The following AMMECR1 variants were observed in gnomAD, a reference collection of about 807,000 sequenced individuals.
AMMECR1 encodes AMMECR nuclear protein 1, also known as nuclear protein AMMECR1.
Under a neutral mutation model 22.5 loss-of-function variants are expected in AMMECR1, and 3 were observed. That is an observed-to-expected ratio of 0.13 (90% CI 0.06 to 0.35). The LOEUF is 0.35. AMMECR1 is among the 10% of genes least tolerant of loss of function. AMMECR1 has a pLI of 1.00. For synonymous variants in AMMECR1, 130 were observed against 116.7 expected, an observed-to-expected ratio of 1.11 and a Z score of -0.74; for missense variants, 235 against 278.7, an observed-to-expected ratio of 0.84 and a Z score of 1.12.
chrX:110,380,400 G>A, intron 2 of AMMECR1, among the ~76,000 whole-genome samples: 1 of 111,422 alleles, frequency 9.0e-6, no homozygotes, highest in Non-Finnish European at 1.9e-5. Flanking sequence ...AGAGGTGAAA[G>A]ATCTCTACAG....
intron 2 of AMMECR1, among the ~76,000 whole-genome samples, chrX:110,370,649 A>G (rs1318641438): frequency 8.9e-6 from 1 of 112,424 alleles, no homozygotes; most frequent in Admixed American, 9.4e-5. Context: ...GGCTTTCCCT[A>G]CATGCTGTAA....
chrX:110,250,500 TTA>T (rs1310249579), intron 2 of AMMECR1, among the ~76,000 whole-genome samples: 1 of 112,291 alleles, frequency 8.9e-6, no homozygotes, highest in Non-Finnish European at 1.9e-5. Flanking sequence ...TAAAGCTGTG[TTA>T]TCTTACTACT....
chrX:110,211,126 C>A (rs1214971218), intron 3 of AMMECR1, among the ~76,000 whole-genome samples: 6 of 112,264 alleles, frequency 5.3e-5, no homozygotes, highest in Non-Finnish European at 1.1e-4. Context: ...GAAATCTGAT[C>A]TAAGGAGTTA....
chrX:110,438,572 C>A (rs1184589202), intron 1 of AMMECR1, among the ~76,000 whole-genome samples: 1 of 111,587 alleles, frequency 9.0e-6, no homozygotes, highest in African/African-American at 3.3e-5. Context: ...AAGGACCAAG[C>A]AAACAGGCGG....
At chrX:110,392,471 C>G (rs1286712819) in intron 2 of AMMECR1, among the ~76,000 whole-genome samples, 4 of 110,763 alleles carry the variant, frequency 3.6e-5, no homozygotes, top group Non-Finnish European at 7.6e-5. Context: ...TTTGTAGAGA[C>G]AAGGCCTTGC....
At chrX:110,408,252 G>T (rs1218493000) in intron 2 of AMMECR1, among the ~76,000 whole-genome samples, 1 of 112,168 alleles carries the variant, frequency 8.9e-6, no homozygotes, top group East Asian at 2.8e-4. Context: ...AAGGAGTTGG[G>T]AGCCTGGGAA....
rs762273200 is a variant in AMMECR1, at chrX:110,328,400, T to G, written c.-147-10551A>C. On this transcript the variant is annotated intron_variant, in intron 2 of 7. Coordinates refer to the AMMECR1 transcript ENST00000372057. The stretch of plus-strand genomic sequence containing the variant: ...CAAGTAGACCCAAAGATATAATGGC[T>G]TAGTAAAACAAACGTCTATTTCCTT... Among the ~76,000 whole-genome samples, 93 of 110,329 alleles carry G rather than the reference T, an allele frequency of 8.4e-4. 1 individual carries two copies. Among genetic ancestry groups the G allele is most frequent in the African/African-American group, 3.0e-3 (92 of 30,352 alleles).
chrX:110,354,774 T>C (rs2068224067), intron 2 of AMMECR1, among the ~76,000 whole-genome samples: 1 of 112,036 alleles, frequency 8.9e-6, no homozygotes, highest in Non-Finnish European at 1.9e-5. Flanking sequence ...CAATAAATGG[T>C]GTTGGGAAAA....
intron 2 of AMMECR1, among the ~76,000 whole-genome samples, chrX:110,218,071 C>T (rs2067482915): frequency 9.0e-6 from 1 of 111,236 alleles, no homozygotes; most frequent in Non-Finnish European, 1.9e-5. Context: ...AATTTAATTA[C>T]GTAAATTTCC....
At chrX:110,427,833 A>C (rs747379839) in intron 1 of AMMECR1, among the ~76,000 whole-genome samples, 100 of 112,041 alleles carry the variant, frequency 8.9e-4, no homozygotes, top group African/African-American at 3.0e-3. Context: ...TTAGAGCCAC[A>C]CATGGTCTCT....
chrX:110,197,669 GCT>G lies in AMMECR1; in HGVS notation c.*849_*850del, dbSNP rs2067377360. 1 of 111,553 alleles carries G rather than the reference GCT, an allele frequency of 9.0e-6. No homozygotes were observed. The highest frequency in any genetic ancestry group is 1.9e-5 in the Non-Finnish European group (1 of 53,026). The allele number at this position is 111,553 out of a possible 1,213,427, so 9.2% of individuals were successfully genotyped here. A position where few individuals can be genotyped will look rare whatever the true frequency, so the allele number is the denominator to read the frequency against. On this transcript the variant is annotated 3_prime_UTR_variant, in exon 6 of 6. Coordinates refer to ENST00000262844, the MANE Select transcript of AMMECR1 (RefSeq NM_015365.3). The stretch of plus-strand genomic sequence containing the variant: ...CTCAAAGGCACTAAATTCTGTATCT[GCT>G]CTCTTCCTAATATTTGCTGCTCATA...
chrX:110,218,552 C>T (rs1260098558), intron 2 of AMMECR1, among the ~76,000 whole-genome samples: 1 of 99,397 alleles, frequency 1.0e-5, no homozygotes. Context: ...CGCCCCTAGT[C>T]CTGGCATAAA....
chrX:110,210,897 G>A (rs1190237575), intron 3 of AMMECR1, among the ~76,000 whole-genome samples: 1 of 111,499 alleles, frequency 9.0e-6, no homozygotes, highest in African/African-American at 3.3e-5. Context: ...ATAGTCCAGG[G>A]ACAGATTTTT....
At chrX:110,358,245 T>C (rs1049173207) in intron 2 of AMMECR1, among the ~76,000 whole-genome samples, 10 of 110,868 alleles carry the variant, frequency 9.0e-5, no homozygotes, top group African/African-American at 3.0e-4. Flanking sequence ...AAATGCAGAG[T>C]GTTGTCAACT....
At chrX:110,339,128 G>A (rs542212751) in intron 2 of AMMECR1, among the ~76,000 whole-genome samples, 2 of 111,297 alleles carry the variant, frequency 1.8e-5, no homozygotes, top group East Asian at 2.8e-4. Context: ...CTCTATTTTC[G>A]TGACAAGCGC....
chrX:110,291,085 G>A (rs769978231), intron 1 of AMMECR1, among the ~76,000 whole-genome samples: 3 of 111,618 alleles, frequency 2.7e-5, no homozygotes, highest in Non-Finnish European at 5.6e-5. Context: ...CACTCAGCAC[G>A]TTTATAAAAA....
intron 2 of AMMECR1, among the ~76,000 whole-genome samples, chrX:110,253,310 T>C (rs768571214): frequency 6.6e-4 from 75 of 113,163 alleles, no homozygotes; most frequent in Non-Finnish European, 1.2e-3. Flanking sequence ...ATATAAGGAT[T>C]GACACCAACT....
At chrX:110,228,641 C>T (rs369164074) in intron 2 of AMMECR1, among the ~76,000 whole-genome samples, 2 of 111,120 alleles carry the variant, frequency 1.8e-5, no homozygotes, top group Non-Finnish European at 3.8e-5. Context: ...GCACCTGGCA[C>T]GTGTCAGCAT....
At chrX:110,342,377 TC>T (rs1212688045) in intron 2 of AMMECR1, among the ~76,000 whole-genome samples, 1 of 110,493 alleles carries the variant, frequency 9.1e-6, no homozygotes, top group Non-Finnish European at 1.9e-5. Context: ...AAATGAATAT[TC>T]TTTTTTTTTT....
Sources: allele counts gnomAD v4.1 joint callset (sites outside exome capture counted in the v4.1 genomes callset), GRCh38; gene constraint gnomAD v4.1.1; transcripts MANE v1.5; gene names NCBI Gene and HGNC (gene_info 2026-07-23, HGNC 2026-07-21).